Variants in RTN1 observed in about 807,000 individuals in gnomAD.
The protein encoded by RTN1 is reticulon 1, also known as reticulon-1.
In RTN1, 25 loss-of-function variants were observed where a neutral mutation model predicts 65.5. That is an observed-to-expected ratio of 0.38 (90% CI 0.28 to 0.53). The LOEUF (loss-of-function observed/expected upper bound fraction) is 0.53. Ranked by LOEUF, RTN1 falls within the 20% of genes least tolerant of loss-of-function variation. The probability of loss-of-function intolerance (pLI) is 0.79; values close to 1 mark genes in which losing one functional copy is unlikely to be tolerated. For missense variants in RTN1, 983 were observed against 1,025.4 expected (o/e 0.96, Z 0.57); for synonymous variants, 471 against 447.6 (o/e 1.05, Z -0.66).
intron 3 of RTN1, among the ~76,000 whole-genome samples, chr14:59,637,998 C>T (rs1882702186): frequency 6.6e-6 from 1 of 152,086 alleles, no homozygotes; most frequent in East Asian, 2.0e-4. Context: ...ACTACAAGCA[C>T]CTGCCACCAC....
chr14:59,632,647 C>T (rs746086847), intron 3 of RTN1, among the ~76,000 whole-genome samples: 3 of 152,142 alleles, frequency 2.0e-5, no homozygotes, highest in Non-Finnish European at 2.9e-5. Context: ...CACCACATTA[C>T]GGGAAACAGC....
chr14:59,776,349 G>A (rs987728549), intron 1 of RTN1, among the ~76,000 whole-genome samples: 4 of 152,074 alleles, frequency 2.6e-5, no homozygotes, highest in African/African-American at 7.2e-5. Context: ...TGGGCTTGCT[G>A]TAAGAGCAAC....
chr14:59,827,995 T>C (rs1353463926), intron 1 of RTN1, among the ~76,000 whole-genome samples: 4 of 152,246 alleles, frequency 2.6e-5, no homozygotes, highest in African/African-American at 9.6e-5. Flanking sequence ...TAATGAGCTA[T>C]GTAAGACCAA....
intron 1 of RTN1, among the ~76,000 whole-genome samples, chr14:59,758,644 T>G (rs907220480): frequency 6.6e-6 from 1 of 152,244 alleles, no homozygotes; most frequent in Admixed American, 6.5e-5. Flanking sequence ...CCAAGGGTCA[T>G]GACCATTCAT....
chr14:59,613,817 C>A (rs1451337501), intron 3 of RTN1, among the ~76,000 whole-genome samples: 1 of 147,586 alleles, frequency 6.8e-6, no homozygotes, highest in African/African-American at 2.5e-5. Context: ...AAAAAAAAAA[C>A]CCTCTGATTT....
At chr14:59,842,527 T>C (rs1020037918) in intron 1 of RTN1, among the ~76,000 whole-genome samples, 5 of 152,084 alleles carry the variant, frequency 3.3e-5, no homozygotes, top group African/African-American at 4.8e-5. Context: ...ATCCATACAA[T>C]GCACATCTTA....
chr14:59,791,237 T>G (rs908876914), intron 1 of RTN1, among the ~76,000 whole-genome samples: 3 of 152,318 alleles, frequency 2.0e-5, no homozygotes, highest in Admixed American at 6.5e-5. Context: ...TGTGTTTTCT[T>G]TTCCTTGCTC....
intron 1 of RTN1, among the ~76,000 whole-genome samples, chr14:59,793,610 A>G (rs1886387360): frequency 6.6e-6 from 1 of 150,808 alleles, no homozygotes; most frequent in Admixed American, 6.6e-5. Context: ...TAAAAATTCT[A>G]TTACCTTGTC....
chr14:59,811,252 C>T (rs1886722948), intron 1 of RTN1, among the ~76,000 whole-genome samples: 1 of 152,094 alleles, frequency 6.6e-6, no homozygotes, highest in Non-Finnish European at 1.5e-5. Flanking sequence ...GGGCAAGTGG[C>T]TTAAAAAGAT....
chr14:59,697,801 T>C (rs866802270), intron 3 of RTN1, among the ~76,000 whole-genome samples: 27 of 152,284 alleles, frequency 1.8e-4, no homozygotes, highest in African/African-American at 4.1e-4. Context: ...GTGATGTGTC[T>C]TCAGGTTGAA....
chr14:59,630,326 C>G, intron 3 of RTN1: 2 of 1,268,762 alleles, frequency 1.6e-6, no homozygotes, highest in Non-Finnish European at 2.3e-6. Context: ...CCCCCCAACA[C>G]AAAGCTCTGG....
chr14:59,722,842 G>C (rs146876536), intron 3 of RTN1, among the ~76,000 whole-genome samples: 1 of 150,404 alleles, frequency 6.6e-6, no homozygotes, highest in Non-Finnish European at 1.5e-5. Flanking sequence ...TTGTTGCACA[G>C]GCTGGAGTGC....
chr14:59,692,067 G>C (rs1311494387), intron 3 of RTN1, among the ~76,000 whole-genome samples: 1 of 152,078 alleles, frequency 6.6e-6, no homozygotes, highest in Non-Finnish European at 1.5e-5. Context: ...ATATAGTACT[G>C]GAAGTACTAG....
At chr14:59,735,303 G>T (rs1288915359) in intron 2 of RTN1, among the ~76,000 whole-genome samples, 1 of 152,162 alleles carries the variant, frequency 6.6e-6, no homozygotes, top group Non-Finnish European at 1.5e-5. Context: ...ATACAGACCA[G>T]TGACACTATG....
Position 59,738,962 on chromosome 14 carries a change from A to G in RTN1, c.1015+6746T>C, listed in dbSNP as rs567671153. ...GGAACTGAATGATAAGAACACATGG[A>G]CATATTGAGGGGGAGCAACACACAC... On this transcript the variant is annotated intron_variant, in intron 2 of 8. Coordinates refer to ENST00000267484, the MANE Select transcript of RTN1 (RefSeq NM_021136.3). Among the ~76,000 whole-genome samples, 4 of 152,264 alleles carry G rather than the reference A, an allele frequency of 2.6e-5. No individual in the cohort carries two copies. In the South Asian group the frequency reaches 8.3e-4, roughly 32 times the overall value.
At chr14:59,623,647 A>G (rs1423394362) in intron 3 of RTN1, among the ~76,000 whole-genome samples, 2 of 152,230 alleles carry the variant, frequency 1.3e-5, no homozygotes, top group African/African-American at 4.8e-5. Context: ...CATTTGGTCT[A>G]TTGGTCATCA....
chr14:59,797,251 T>C (rs1886457382), intron 1 of RTN1, among the ~76,000 whole-genome samples: 1 of 152,198 alleles, frequency 6.6e-6, no homozygotes, highest in African/African-American at 2.4e-5. Context: ...GCAACTTCTA[T>C]AAGCACAGAG....
intron 1 of RTN1, among the ~76,000 whole-genome samples, chr14:59,759,180 A>C (rs1885700008): frequency 6.6e-6 from 1 of 152,214 alleles, no homozygotes; most frequent in African/African-American, 2.4e-5. Flanking sequence ...CATCTAATGC[A>C]AGGCCTTCCC....
At chr14:59,599,396 C>T (rs1287713895) in intron 8 of RTN1, among the ~76,000 whole-genome samples, 1 of 152,176 alleles carries the variant, frequency 6.6e-6, no homozygotes, top group Non-Finnish European at 1.5e-5. Flanking sequence ...TCATCTGGAA[C>T]TTTGACAAAG....
Sources: gnomAD v4.1 joint callset for allele counts (sites outside exome capture counted in the v4.1 genomes callset) on GRCh38, gnomAD v4.1.1 for gene constraint, MANE v1.5 for transcripts, NCBI Gene and HGNC (gene_info 2026-07-23, HGNC 2026-07-21) for gene names.